Variants in CHN2 observed in about 807,000 individuals in gnomAD.
CHN2 encodes chimerin 2, also known as beta-chimaerin.
In CHN2, 35 loss-of-function variants were observed where a neutral mutation model predicts 56.3. The observed-to-expected ratio is 0.62, with a 90% CI of 0.47 to 0.82. CHN2 has a LOEUF of 0.82. Among genes scored for constraint, CHN2 ranks in the 40% least tolerant of loss-of-function variants. The pLI is 0.00. For synonymous variants in CHN2, 210 were observed against 212.8 expected (o/e 0.99, Z 0.12); for missense variants, 491 against 580.5 (o/e 0.85, Z 1.58).
intron 4 of CHN2, chr7:29,398,065 G>GT (rs1801901459): frequency 8.8e-6 from 2 of 227,804 alleles, no homozygotes; most frequent in East Asian, 1.9e-4. Flanking sequence ...AAAAGGGGGG[G>GT]GGGGGGCGGT....
At chr7:29,224,713 T>C (rs1039295093) in intron 1 of CHN2, among the ~76,000 whole-genome samples, 1 of 152,254 alleles carries the variant, frequency 6.6e-6, no homozygotes. Flanking sequence ...TTCTCCACCA[T>C]GTTTTCATTT....
chr7:29,356,299 A>G (rs1282886878), intron 2 of CHN2, among the ~76,000 whole-genome samples: 2 of 152,196 alleles, frequency 1.3e-5, no homozygotes, highest in Non-Finnish European at 2.9e-5. Context: ...ATGTATGGAT[A>G]TATAATATAT....
chr7:29,389,300 T>A (rs1405703633), intron 3 of CHN2, among the ~76,000 whole-genome samples: 6 of 152,248 alleles, frequency 3.9e-5, no homozygotes, highest in African/African-American at 1.2e-4. Context: ...GTTTACTTAC[T>A]GGTCTTGGCT....
chr7:29,160,762 TG>T (rs1163889487), intron 2 of CHN2, among the ~76,000 whole-genome samples: 2 of 152,228 alleles, frequency 1.3e-5, no homozygotes, highest in Non-Finnish European at 2.9e-5. Context: ...TAAAAGAGCC[TG>T]GGCTCTTAAT....
chr7:29,375,967 C>G (rs1000292857), intron 3 of CHN2, among the ~76,000 whole-genome samples: 2 of 152,154 alleles, frequency 1.3e-5, no homozygotes, highest in Non-Finnish European at 2.9e-5. Flanking sequence ...TTTTGCTCAC[C>G]TGGTTAAACT....
At chr7:29,204,519 G>T (rs1784387864) in intron 1 of CHN2, among the ~76,000 whole-genome samples, 1 of 152,062 alleles carries the variant, frequency 6.6e-6, no homozygotes, top group Admixed American at 6.6e-5. Context: ...ATACTTATTT[G>T]GTAAATAATA....
At chr7:29,153,050 G>GCA (rs1457680980) in intron 2 of CHN2, among the ~76,000 whole-genome samples, 1 of 152,178 alleles carries the variant, frequency 6.6e-6, no homozygotes, top group East Asian at 1.9e-4. Flanking sequence ...TGTAAAGGTA[G>GCA]CACTCTACAC....
chr7:29,265,648 G>A (rs547186202), intron 1 of CHN2, among the ~76,000 whole-genome samples: 4 of 152,288 alleles, frequency 2.6e-5, no homozygotes, highest in East Asian at 1.9e-4. Context: ...GAGGCAGGAG[G>A]CAGGCTTGAG....
chr7:29,277,007 A>G (rs539513565), intron 1 of CHN2, among the ~76,000 whole-genome samples: 3 of 152,274 alleles, frequency 2.0e-5, no homozygotes, highest in Admixed American at 6.5e-5. Context: ...GTGGCTCACC[A>G]TTTCTTGATT....
chr7:29,422,699 C>T (rs1403176756), intron 6 of CHN2, among the ~76,000 whole-genome samples: 1 of 152,156 alleles, frequency 6.6e-6, no homozygotes, highest in African/African-American at 2.4e-5. Flanking sequence ...AGGGCTATTA[C>T]CTGTGGTCAG....
chr7:29,420,622 C>A (rs1291454439), intron 6 of CHN2, among the ~76,000 whole-genome samples: 1 of 152,010 alleles, frequency 6.6e-6, no homozygotes, highest in Non-Finnish European at 1.5e-5. Context: ...ATGTGAAATG[C>A]AGAATGGTTG....
chr7:29,276,466 G>C (rs1791229685), intron 1 of CHN2, among the ~76,000 whole-genome samples: 1 of 152,186 alleles, frequency 6.6e-6, no homozygotes, highest in Non-Finnish European at 1.5e-5. Flanking sequence ...TGCCAAGGCT[G>C]TACAGCTTAT....
chr7:29,236,468 TG>T (rs1217345458), intron 1 of CHN2, among the ~76,000 whole-genome samples: 3 of 152,254 alleles, frequency 2.0e-5, no homozygotes, highest in South Asian at 2.1e-4. Context: ...TTTGCAAGGT[TG>T]CTCCTGTGCA....
At chr7:29,241,833 G>A (rs2128810670) in intron 1 of CHN2, among the ~76,000 whole-genome samples, 1 of 152,288 alleles carries the variant, frequency 6.6e-6, no homozygotes, top group Admixed American at 6.5e-5. Flanking sequence ...TTTAGTTTGA[G>A]AGGTAAATAA....
chr7:29,433,575 G>A (rs1483109099), intron 6 of CHN2, among the ~76,000 whole-genome samples: 1 of 152,254 alleles, frequency 6.6e-6, no homozygotes, highest in African/African-American at 2.4e-5. Context: ...AGTGACTCAC[G>A]CCTGTAATCC....
intron 1 of CHN2, among the ~76,000 whole-genome samples, chr7:29,295,419 G>T (rs1793063075): frequency 6.6e-6 from 1 of 151,032 alleles, no homozygotes; most frequent in Non-Finnish European, 1.5e-5. Context: ...AAATGCCTTG[G>T]ACACTAAAGG....
intron 1 of CHN2, among the ~76,000 whole-genome samples, chr7:29,267,713 A>T (rs1236915405): frequency 6.6e-6 from 1 of 152,176 alleles, no homozygotes; most frequent in Non-Finnish European, 1.5e-5. Context: ...TGTTGTGGGA[A>T]TCTGTTATTT....
chr7:29,160,586 C>T (rs970512855), intron 2 of CHN2, among the ~76,000 whole-genome samples: 1 of 152,106 alleles, frequency 6.6e-6, no homozygotes, highest in African/African-American at 2.4e-5. Flanking sequence ...GATTTTTCTC[C>T]CTGTCAGAAG....
chr7:29,410,758 A>G (rs1222224962), intron 6 of CHN2, among the ~76,000 whole-genome samples: 2 of 152,208 alleles, frequency 1.3e-5, no homozygotes, highest in Non-Finnish European at 2.9e-5. Flanking sequence ...TTATTATTTT[A>G]GACCTTTGTA....
Sources: allele counts gnomAD v4.1 joint callset (sites outside exome capture counted in the v4.1 genomes callset), GRCh38; gene constraint gnomAD v4.1.1; transcripts MANE v1.5; gene names NCBI Gene and HGNC (gene_info 2026-07-23, HGNC 2026-07-21).